Variants in PIWIL2 observed in about 807,000 individuals in gnomAD.
PIWIL2 encodes the protein piwi-like protein 2.
A neutral mutation model predicts 116.5 loss-of-function variants in PIWIL2; 81 were observed. The observed-to-expected ratio is 0.70, with a 90% CI of 0.58 to 0.84. PIWIL2 has a LOEUF of 0.84. Among genes scored for constraint, PIWIL2 ranks in the 40% least tolerant of loss-of-function variants. The pLI is 0.00. For missense variants in PIWIL2, 1,272 were observed against 1,212.3 expected, an observed-to-expected ratio of 1.05 and a Z score of -0.73; for synonymous variants, 489 against 429.5, an observed-to-expected ratio of 1.14 and a Z score of -1.71.
intron 20 of PIWIL2, among the ~76,000 whole-genome samples, chr8:22,338,751 A>C (rs1348190671): frequency 6.6e-6 from 1 of 152,206 alleles, no homozygotes; most frequent in Non-Finnish European, 1.5e-5. Context: ...AGCAGAAAAC[A>C]ATGGAGTACT....
At chr8:22,340,420 A>G (rs1213655813) in intron 20 of PIWIL2, among the ~76,000 whole-genome samples, 6 of 152,152 alleles carry the variant, frequency 3.9e-5, no homozygotes, top group Non-Finnish European at 7.4e-5. Context: ...ATTTATGTCC[A>G]CCTGGAACCT....
intron 10 of PIWIL2, among the ~76,000 whole-genome samples, chr8:22,294,841 A>C (rs942156499): frequency 3.0e-5 from 4 of 133,942 alleles, no homozygotes; most frequent in Non-Finnish European, 6.2e-5. Flanking sequence ...CAGGCGGATC[A>C]CTTGAGGTCA....
At chr8:22,296,316 A>G (rs1830906024) in intron 10 of PIWIL2, among the ~76,000 whole-genome samples, 1 of 151,998 alleles carries the variant, frequency 6.6e-6, no homozygotes, top group Non-Finnish European at 1.5e-5. Context: ...AAGTGCTGGG[A>G]TTACAGGCAT....
At chr8:22,278,130 T>A (rs111252728) in intron 1 of PIWIL2, among the ~76,000 whole-genome samples, 11 of 151,872 alleles carry the variant, frequency 7.2e-5, no homozygotes, top group African/African-American at 2.7e-4. Context: ...ATTGCACCAT[T>A]GCACTCCAGC....
intron 20 of PIWIL2, among the ~76,000 whole-genome samples, chr8:22,332,969 CAT>C (rs1831895638): frequency 6.6e-6 from 1 of 152,042 alleles, no homozygotes; most frequent in Non-Finnish European, 1.5e-5. Context: ...AAAAAAATGT[CAT>C]GTGGCTATAT....
chr8:22,356,686 A>C lies in PIWIL2; in HGVS notation c.*1181A>C, dbSNP rs917048913. ...AATTACCCCCTTTCTCTTGCAAAAT[A>C]ACCGCTTCCTGGCTGTTGGCTCACT... On this transcript the variant is annotated 3_prime_UTR_variant, in exon 23 of 23. Transcript: ENST00000356766. 6.6e-6 allele frequency: 1 copy of C among 152,190 alleles called. No individual in the cohort carries two copies. 9.4% of individuals were successfully genotyped at this position (152,190 alleles called of 1,614,324 possible).
intron 10 of PIWIL2, among the ~76,000 whole-genome samples, chr8:22,295,811 A>G (rs1358062174): frequency 6.6e-6 from 1 of 152,216 alleles, no homozygotes; most frequent in African/African-American, 2.4e-5. Context: ...AATGGTTTGC[A>G]TACTTCTAAA....
At chr8:22,307,885 A>G in intron 13 of PIWIL2, 48 bp from the exon 14 acceptor site, 4 of 1,443,920 alleles carry the variant, frequency 2.8e-6, no homozygotes, top group Non-Finnish European at 3.8e-6. Flanking sequence ...TTAACTTCAT[A>G]TTGGTGAAGT....
intron 20 of PIWIL2, among the ~76,000 whole-genome samples, chr8:22,330,930 T>C (rs1831847256): frequency 6.6e-6 from 1 of 152,004 alleles, no homozygotes; most frequent in Non-Finnish European, 1.5e-5. Context: ...ATCCCAGCAC[T>C]TTGGGAGGCT....
Position 22,283,014 on chromosome 8 carries a change from CCTCT to C in PIWIL2, c.426-14_426-11del. On this transcript the variant is annotated splice_polypyrimidine_tract_variant and intron_variant, in intron 4 of 22. Coordinates refer to ENST00000356766, the MANE Select transcript of PIWIL2 (RefSeq NM_018068.5). ...AGCTATTATAAAAAACCCTGATTTGCCTCTCTCTCCACATTTCAGGACGCTTGGA... is the reference window on the plus strand; with the variant it reads ...AGCTATTATAAAAAACCCTGATTTGCCTCTCCACATTTCAGGACGCTTGGA... 6.3e-7 allele frequency: 1 copy of C among 1,593,758 alleles called. No individual in the cohort carries two copies. Among genetic ancestry groups the C allele is most frequent in the East Asian group, 2.2e-5 (1 of 44,774 alleles).
intron 20 of PIWIL2, among the ~76,000 whole-genome samples, chr8:22,326,347 C>T (rs1831724039): frequency 6.6e-6 from 1 of 152,048 alleles, no homozygotes. Flanking sequence ...ATGGTGAAAC[C>T]CCCATCTCTA....
intron 10 of PIWIL2, among the ~76,000 whole-genome samples, chr8:22,296,143 C>T (rs1830901146): frequency 6.6e-6 from 1 of 150,982 alleles, no homozygotes; most frequent in South Asian, 2.1e-4. Context: ...GCAACTTCCA[C>T]CTCCCAGGTT....
At chr8:22,349,419 GTATA>G (rs71206515) in intron 20 of PIWIL2, among the ~76,000 whole-genome samples, 85 of 134,436 alleles carry the variant, frequency 6.3e-4, no homozygotes, top group Middle Eastern at 4.2e-3. Context: ...ATGTGTGTGT[GTATA>G]TATATATATA....
intron 16 of PIWIL2, among the ~76,000 whole-genome samples, chr8:22,312,315 A>T (rs1178132942): frequency 1.3e-5 from 2 of 151,510 alleles, no homozygotes; most frequent in Non-Finnish European, 2.9e-5. Flanking sequence ...ACCCATGTGG[A>T]GTACACTGGT....
intron 6 of PIWIL2, among the ~76,000 whole-genome samples, chr8:22,285,181 A>G (rs145660707): frequency 1.1e-3 from 164 of 152,256 alleles, no homozygotes; most frequent in African/African-American, 3.8e-3. Context: ...CCACCTGTCT[A>G]TCTGAAACTT....
chr8:22,324,091 G>C (rs958874401), intron 20 of PIWIL2, among the ~76,000 whole-genome samples: 2 of 152,072 alleles, frequency 1.3e-5, no homozygotes, highest in Admixed American at 1.3e-4. Context: ...ATGAAACCCT[G>C]TCTTTACTAA....
chr8:22,353,204 CTGT>C lies in PIWIL2; in HGVS notation c.2650_2652del (p.Cys884del), dbSNP rs1832413635. On this transcript the variant is annotated inframe_deletion, in exon 21 of 23. Transcript: ENST00000356766. ...CTGTGGTAGATCATACAATAACAAG[CTGT>C]GAGTGGTAAGTGAGCAAAATATGTA... The C allele has an allele frequency of 6.2e-7, 1 of 1,610,420 alleles. No homozygotes were observed. Among genetic ancestry groups the C allele is most frequent in the Non-Finnish European group, 8.5e-7 (1 of 1,177,304 alleles).
intron 8 of PIWIL2, among the ~76,000 whole-genome samples, chr8:22,289,625 G>A (rs973637649): frequency 1.3e-5 from 2 of 152,210 alleles, no homozygotes; most frequent in Non-Finnish European, 2.9e-5. Flanking sequence ...CAGCTAGTAA[G>A]TGGAAAAGAC....
chr8:22,341,872 CTA>C (rs1832118460), intron 20 of PIWIL2, among the ~76,000 whole-genome samples: 1 of 150,842 alleles, frequency 6.6e-6, no homozygotes, highest in African/African-American at 2.4e-5. Flanking sequence ...GCATGATTGT[CTA>C]TGTAGAAAAT....
Sources: gnomAD v4.1 joint callset for allele counts (sites outside exome capture counted in the v4.1 genomes callset) on GRCh38, gnomAD v4.1.1 for gene constraint, MANE v1.5 for transcripts, NCBI Gene and HGNC (gene_info 2026-07-23, HGNC 2026-07-21) for gene names.